DTWD2: variants seen among roughly 807,000 people sequenced by gnomAD.
The protein encoded by DTWD2 is DTW motif tRNA-uridine aminocarboxypropyltransferase 2.
A neutral mutation model predicts 31.8 loss-of-function variants in DTWD2; 39 were observed. The observed-to-expected ratio is 1.22, with a 90% CI of 0.95 to 1.60. The LOEUF is 1.60. Among genes scored for constraint, DTWD2 ranks in the 40% most tolerant of loss-of-function variants. The pLI, the probability that DTWD2 is intolerant of heterozygous loss-of-function variation, is 0.00. For synonymous variants in DTWD2, 180 were observed against 142.8 expected (o/e 1.26, Z -1.86); for missense variants, 515 against 381.5 (o/e 1.35, Z -2.92).
At chr5:118,935,340 G>C (rs992048954) in intron 3 of DTWD2, among the ~76,000 whole-genome samples, 1 of 152,168 alleles carries the variant, frequency 6.6e-6, no homozygotes, top group Non-Finnish European at 1.5e-5. Context: ...ACTTGAAGCT[G>C]ATCAGTCAGA....
intron 4 of DTWD2, among the ~76,000 whole-genome samples, chr5:118,921,116 A>G (rs981664619): frequency 1.8e-4 from 27 of 152,202 alleles, no homozygotes; most frequent in African/African-American, 5.3e-4. Context: ...CTCAAGTTCT[A>G]TTTGTAAATA....
At chr5:118,960,748 T>TA (rs147032865) in intron 1 of DTWD2, among the ~76,000 whole-genome samples, 3,456 of 150,684 alleles carry the variant, frequency 0.023, 142 homozygotes, top group African/African-American at 0.077. Flanking sequence ...TATGCAGCCA[T>TA]AAAAAAAAAC....
chr5:118,952,475 G>A (rs1385624024), intron 1 of DTWD2, among the ~76,000 whole-genome samples: 1 of 152,124 alleles, frequency 6.6e-6, no homozygotes, highest in African/African-American at 2.4e-5. Context: ...GCAAGCAGGG[G>A]CGGGGGTCAT....
chr5:118,927,560 A>C (rs1196441449), intron 4 of DTWD2, among the ~76,000 whole-genome samples: 3 of 152,070 alleles, frequency 2.0e-5, no homozygotes, highest in African/African-American at 4.8e-5. Context: ...ACAAGAAAAA[A>C]ATGCATTCCT....
At chr5:118,852,538 A>C (rs1210613317) in intron 4 of DTWD2, among the ~76,000 whole-genome samples, 1 of 152,188 alleles carries the variant, frequency 6.6e-6, no homozygotes, top group African/African-American at 2.4e-5. Context: ...ACAAGTCAGA[A>C]GGGCTATTAT....
chr5:118,978,343 A>T (rs909659097), intron 1 of DTWD2, among the ~76,000 whole-genome samples: 1 of 152,256 alleles, frequency 6.6e-6, no homozygotes, highest in African/African-American at 2.4e-5. Flanking sequence ...AAACACCAAA[A>T]GCAATTTTGC....
intron 4 of DTWD2, among the ~76,000 whole-genome samples, chr5:118,884,506 T>C (rs1475011311): frequency 6.6e-6 from 1 of 152,206 alleles, no homozygotes; most frequent in Non-Finnish European, 1.5e-5. Context: ...GTTCATCAAA[T>C]ACATATTTAA....
chr5:118,953,456 G>A (rs115766822), intron 1 of DTWD2, among the ~76,000 whole-genome samples: 38 of 152,256 alleles, frequency 2.5e-4, no homozygotes, highest in Admixed American at 7.2e-4. Context: ...ATGAAAATTT[G>A]ACCTTCCCTT....
intron 1 of DTWD2, among the ~76,000 whole-genome samples, chr5:118,980,252 T>C (rs1278961448): frequency 2.0e-5 from 3 of 152,178 alleles, no homozygotes; most frequent in Admixed American, 2.0e-4. Context: ...ACACACTAAG[T>C]TCAAGGTCCT....
intron 4 of DTWD2, among the ~76,000 whole-genome samples, chr5:118,853,699 G>A (rs1490779139): frequency 1.3e-5 from 2 of 152,090 alleles, no homozygotes; most frequent in Non-Finnish European, 2.9e-5. Flanking sequence ...TAAACAATGG[G>A]TACACACAGA....
At chr5:118,943,615 T>C (rs1754260501) in intron 2 of DTWD2, among the ~76,000 whole-genome samples, 1 of 149,362 alleles carries the variant, frequency 6.7e-6, no homozygotes, top group African/African-American at 2.5e-5. Context: ...CAATTTGCAA[T>C]AAAAGAAAAA....
Position 118,839,928 on chromosome 5 carries a change from T to C in DTWD2, c.*989A>G, listed in dbSNP as rs1010917886. On this transcript the variant is annotated 3_prime_UTR_variant, in exon 6 of 6. Transcript: ENST00000510708. Reference sequence around the variant, plus strand: ...TTTTTCCTTACAACTTAACACTAGATACAGGAAACTCTAGAACTCATAAAC... The same window carrying C: ...TTTTTCCTTACAACTTAACACTAGACACAGGAAACTCTAGAACTCATAAAC... The C allele has an allele frequency of 2.0e-5, 3 of 152,160 alleles. No homozygotes were observed. The highest frequency in any genetic ancestry group is 7.2e-5 in the African/African-American group (3 of 41,444). The allele number at this position is 152,160 out of a possible 1,614,324, so 9.4% of individuals were successfully genotyped here. A position where few individuals can be genotyped will look rare whatever the true frequency, so the allele number is the denominator to read the frequency against.
intron 4 of DTWD2, 103 bp downstream of exon 4, chr5:118,928,434 C>G: frequency 3.8e-6 from 3 of 795,262 alleles, no homozygotes; most frequent in Non-Finnish European, 5.2e-6. Context: ...GAAATACCAC[C>G]AAATTCATAT....
At chr5:118,845,356 A>G (rs1751826595) in intron 5 of DTWD2, among the ~76,000 whole-genome samples, 3 of 152,186 alleles carry the variant, frequency 2.0e-5, no homozygotes, top group African/African-American at 7.2e-5. Context: ...CTGATACTGC[A>G]TTTCACAAAG....
intron 1 of DTWD2, among the ~76,000 whole-genome samples, chr5:118,982,134 T>C (rs1474392587): frequency 6.6e-6 from 1 of 152,234 alleles, no homozygotes; most frequent in Non-Finnish European, 1.5e-5. Context: ...GTGAACTCTT[T>C]TTAAGTGATA....
intron 3 of DTWD2, among the ~76,000 whole-genome samples, chr5:118,929,105 G>C (rs1753868597): frequency 6.6e-6 from 1 of 152,156 alleles, no homozygotes; most frequent in Admixed American, 6.5e-5. Flanking sequence ...AACAATCCTA[G>C]CACAAACAAT....
chr5:118,911,851 T>C (rs1279712900), intron 4 of DTWD2, among the ~76,000 whole-genome samples: 1 of 152,222 alleles, frequency 6.6e-6, no homozygotes, highest in Non-Finnish European at 1.5e-5. Flanking sequence ...AGTGGCAAGA[T>C]GGCCATCAGC....
chr5:118,840,934 T>C lies in DTWD2; in HGVS notation c.880A>G (p.Asn294Asp). The change falls in exon 6 of 6, where the codon AAT becomes GAT. Residue 294 changes from asparagine to aspartate, a missense_variant. Transcript: ENST00000510708. ...TAACTGTACTAAATTTTAACACTAT[T>C]CATTAACAATTCCATTTTCCTGAGT... ...RKLRKMELLM[N>D]SVKI is the part of the protein sequence containing the mutation. 1.9e-6 allele frequency: 3 copies of C among 1,613,610 alleles called. No individual in the cohort carries two copies. The highest frequency in any genetic ancestry group is 2.5e-6 in the Non-Finnish European group (3 of 1,179,688).
chr5:118,970,626 G>T (rs779321656), intron 1 of DTWD2, among the ~76,000 whole-genome samples: 2 of 152,024 alleles, frequency 1.3e-5, no homozygotes, highest in Admixed American at 1.3e-4. Flanking sequence ...TTCAAATTCA[G>T]GAAATTCAGG....
Sources: allele counts gnomAD v4.1 joint callset (sites outside exome capture counted in the v4.1 genomes callset), GRCh38; gene constraint gnomAD v4.1.1; transcripts MANE v1.5; gene names NCBI Gene and HGNC (gene_info 2026-07-23, HGNC 2026-07-21).